The following RGS7 variants were observed in gnomAD, a reference collection of about 807,000 sequenced individuals.
RGS7 encodes the protein regulator of G-protein signaling 7.
In RGS7, 27 loss-of-function variants were observed where a neutral mutation model predicts 81.1. That is an observed-to-expected ratio of 0.33 (90% CI 0.25 to 0.46). The LOEUF (loss-of-function observed/expected upper bound fraction) is 0.46, where lower values mean the gene tolerates loss of function less well. Among genes scored for constraint, RGS7 ranks in the 20% least tolerant of loss-of-function variants. The probability of loss-of-function intolerance (pLI) is 1.00; values close to 1 mark genes in which losing one functional copy is unlikely to be tolerated. For missense variants in RGS7, 396 were observed against 607.4 expected (o/e 0.65, Z 3.66); for synonymous variants, 208 against 207.7 (o/e 1.00, Z -0.01).
intron 6 of RGS7, among the ~76,000 whole-genome samples, chr1:240,921,704 T>C (rs1325604449): frequency 1.3e-5 from 2 of 152,032 alleles, no homozygotes; most frequent in Admixed American, 6.6e-5. Flanking sequence ...ACAAAGTATA[T>C]AGAAGATATA....
At chr1:241,239,870 C>T (rs1441475134) in intron 2 of RGS7, among the ~76,000 whole-genome samples, 2 of 152,146 alleles carry the variant, frequency 1.3e-5, no homozygotes, top group African/African-American at 4.8e-5. Context: ...AGAGGGCCAT[C>T]GATGACTTCT....
intron 4 of RGS7, among the ~76,000 whole-genome samples, chr1:240,938,279 C>T (rs897492853): frequency 5.3e-5 from 8 of 152,086 alleles, no homozygotes; most frequent in African/African-American, 1.4e-4. Context: ...GTAGAAAATA[C>T]CAGAAAAGTT....
At chr1:241,122,060 T>C (rs1157711357) in intron 2 of RGS7, among the ~76,000 whole-genome samples, 1 of 152,182 alleles carries the variant, frequency 6.6e-6, no homozygotes, top group African/African-American at 2.4e-5. Flanking sequence ...CTTTATTACT[T>C]TTTTGAAAAA....
At chr1:240,780,095 G>T (rs1355161895) in intron 18 of RGS7, among the ~76,000 whole-genome samples, 1 of 152,156 alleles carries the variant, frequency 6.6e-6, no homozygotes, top group Admixed American at 6.5e-5. Context: ...GCTATGAATA[G>T]AATTGTATAC....
chr1:241,038,203 A>G (rs1423937093), intron 3 of RGS7, among the ~76,000 whole-genome samples: 1 of 152,226 alleles, frequency 6.6e-6, no homozygotes, highest in African/African-American at 2.4e-5. Flanking sequence ...ACGAAAAATA[A>G]AGATGTTCTT....
At chr1:241,292,984 A>C (rs2079173051) in intron 2 of RGS7, among the ~76,000 whole-genome samples, 1 of 152,238 alleles carries the variant, frequency 6.6e-6, no homozygotes. Context: ...AAATTTGTAG[A>C]ATGTAATATG....
intron 2 of RGS7, among the ~76,000 whole-genome samples, chr1:241,176,434 G>A (rs1203821889): frequency 6.6e-6 from 1 of 152,098 alleles, no homozygotes; most frequent in East Asian, 1.9e-4. Context: ...AGTTATTTCT[G>A]GGTCAGTGTC....
At chr1:241,303,357 G>A (rs7549541) in intron 2 of RGS7, among the ~76,000 whole-genome samples, 2 of 151,958 alleles carry the variant, frequency 1.3e-5, no homozygotes, top group East Asian at 1.9e-4. Flanking sequence ...CTTCCCCTTC[G>A]GCCATGATTG....
At chr1:240,923,584 T>A (rs1458175229) in intron 6 of RGS7, among the ~76,000 whole-genome samples, 2 of 152,010 alleles carry the variant, frequency 1.3e-5, no homozygotes, top group African/African-American at 4.8e-5. Flanking sequence ...CAGGGATGGA[T>A]TCATTAAAAG....
chr1:241,198,696 CTT>C (rs1455722461), intron 2 of RGS7, among the ~76,000 whole-genome samples: 2 of 152,072 alleles, frequency 1.3e-5, no homozygotes, highest in African/African-American at 4.8e-5. Context: ...AATTTTAAAA[CTT>C]TTCATAGGAA....
intron 3 of RGS7, among the ~76,000 whole-genome samples, chr1:241,034,767 G>C (rs190696035): frequency 2.0e-4 from 30 of 152,228 alleles, no homozygotes; most frequent in Non-Finnish European, 3.5e-4. Context: ...AGAAGTTATC[G>C]AGGCCATAGG....
chr1:241,240,115 A>C (rs2076192531), intron 2 of RGS7, among the ~76,000 whole-genome samples: 1 of 152,228 alleles, frequency 6.6e-6, no homozygotes, highest in African/African-American at 2.4e-5. Flanking sequence ...AGTCCTGGAA[A>C]GGTGAAATGA....
At chr1:241,256,172 C>T (rs2077044292) in intron 2 of RGS7, among the ~76,000 whole-genome samples, 1 of 152,106 alleles carries the variant, frequency 6.6e-6, no homozygotes, top group South Asian at 2.1e-4. Flanking sequence ...CCATCAATTT[C>T]TTATTTATGT....
chr1:241,060,319 T>C (rs891118403), intron 3 of RGS7, among the ~76,000 whole-genome samples: 1 of 152,234 alleles, frequency 6.6e-6, no homozygotes, highest in Non-Finnish European at 1.5e-5. Flanking sequence ...TTGCTGCAAT[T>C]ATCCTAACTT....
In RGS7 at chr1:240,833,806, C is replaced by CTT. The variant is rs111809271; in HGVS notation, c.610-6636_610-6635dup. Among the ~76,000 whole-genome samples, 14 of 144,648 alleles carry CTT rather than the reference C, an allele frequency of 9.7e-5. 1 individual carries two copies. Among genetic ancestry groups the CTT allele is most frequent in the African/African-American group, 3.3e-4 (13 of 39,612 alleles). 94.9% of individuals were successfully genotyped at this position (144,648 alleles called of 152,430 possible). The stretch of plus-strand genomic sequence containing the variant: ...GATTTTAAAGTGTTCAGTCTCAGGA[C>CTT]TTTTTTTTTTTTGGCCCAGGCTGGA... On this transcript the variant is annotated intron_variant, in intron 9 of 18. Transcript: ENST00000440928.
intron 2 of RGS7, among the ~76,000 whole-genome samples, chr1:241,250,491 T>C (rs2148208459): frequency 6.6e-6 from 1 of 152,164 alleles, no homozygotes; most frequent in East Asian, 1.9e-4. Flanking sequence ...GACACTCACC[T>C]TCTGCAAAGT....
chr1:241,243,478 T>A lies in RGS7; in HGVS notation c.78+112221A>T, dbSNP rs78076719. Among the ~76,000 whole-genome samples the A allele has an allele frequency of 1.1e-3, 162 of 152,158 alleles. 3 individuals carry two copies. The East Asian group carries it at 0.025, about 24-fold the overall frequency. On this transcript the variant is annotated intron_variant, in intron 2 of 18. Coordinates refer to ENST00000440928, the MANE Select transcript of RGS7 (RefSeq NM_001364886.1). ...CAAGAATGAAAGGATCACATGACTA[T>A]GGGGGAGAGAAATGGATGAATTTGG...
chr1:241,158,011 A>G (rs561418816), intron 2 of RGS7, among the ~76,000 whole-genome samples: 1 of 151,384 alleles, frequency 6.6e-6, no homozygotes, highest in South Asian at 2.1e-4. Flanking sequence ...TAGTAGAGAC[A>G]GGGTTTCACC....
chr1:240,899,233 T>C (rs1265495091), intron 6 of RGS7, among the ~76,000 whole-genome samples: 2 of 152,208 alleles, frequency 1.3e-5, no homozygotes, highest in Non-Finnish European at 2.9e-5. Flanking sequence ...CTTGACTCTT[T>C]ATCCAATTTG....
Sources: gnomAD v4.1 joint callset for allele counts (sites outside exome capture counted in the v4.1 genomes callset) on GRCh38, gnomAD v4.1.1 for gene constraint, MANE v1.5 for transcripts, NCBI Gene and HGNC (gene_info 2026-07-23, HGNC 2026-07-21) for gene names.